PIK3C3: variants seen among roughly 807,000 people sequenced by gnomAD.
PIK3C3 encodes phosphatidylinositol 3-kinase catalytic subunit type 3.
Under a neutral mutation model 126.1 loss-of-function variants are expected in PIK3C3, and 95 were observed. That is an observed-to-expected ratio of 0.75 (90% confidence interval 0.64 to 0.89). The LOEUF (loss-of-function observed/expected upper bound fraction) is 0.89, where lower values mean the gene tolerates loss of function less well. Ranked by LOEUF, PIK3C3 falls within the 40% of genes least tolerant of loss-of-function variation. The pLI, the probability that PIK3C3 is intolerant of heterozygous loss-of-function variation, is 0.00. For synonymous variants in PIK3C3, 374 were observed against 360.0 expected, an observed-to-expected ratio of 1.04 and a Z score of -0.44; for missense variants, 829 against 1,063.2, an observed-to-expected ratio of 0.78 and a Z score of 3.06.
intron 4 of PIK3C3, chr18:41,970,831 A>T: frequency 3.0e-6 from 1 of 336,076 alleles, no homozygotes; most frequent in Non-Finnish European, 5.5e-6. Context: ...ATATAAATGG[A>T]ATCATTCAGT....
At chr18:42,081,057 C>A in intron 24 of PIK3C3, 66 bp from the exon 25 acceptor site, 3 of 930,908 alleles carry the variant, frequency 3.2e-6, no homozygotes, top group East Asian at 2.7e-5. Context: ...AAACTATAGA[C>A]TATTGTTTAT....
At chr18:42,046,888 A>G (rs898144086) in intron 20 of PIK3C3, among the ~76,000 whole-genome samples, 20 of 152,142 alleles carry the variant, frequency 1.3e-4, no homozygotes, top group African/African-American at 3.9e-4. Flanking sequence ...ACTTGACTAA[A>G]CATGTTTATC....
intron 24 of PIK3C3, among the ~76,000 whole-genome samples, chr18:42,080,016 T>A (rs1598966817): frequency 1.3e-5 from 2 of 151,722 alleles, no homozygotes; most frequent in East Asian, 3.9e-4. Context: ...TGTGTGTGTG[T>A]GTGTGTGTGT....
intron 12 of PIK3C3, among the ~76,000 whole-genome samples, chr18:42,020,279 A>G (rs1423064460): frequency 6.6e-6 from 1 of 152,046 alleles, no homozygotes; most frequent in African/African-American, 2.4e-5. Flanking sequence ...GAACAAGCCA[A>G]ACTTAGAGCT....
chr18:41,996,828 T>C, intron 9 of PIK3C3, 98 bp downstream of exon 9: 2 of 683,930 alleles, frequency 2.9e-6, no homozygotes, highest in Non-Finnish European at 2.5e-6. Context: ...TTATTGTCAC[T>C]TTAAAGAAAA....
intron 9 of PIK3C3, among the ~76,000 whole-genome samples, chr18:41,997,055 C>T (rs182242842): frequency 9.2e-5 from 14 of 151,952 alleles, no homozygotes; most frequent in African/African-American, 9.7e-5. Context: ...ATTCTAATGG[C>T]GACAGTTCTC....
chr18:42,004,613 ATG>A (rs1458078574), intron 10 of PIK3C3, 72 bp downstream of exon 10: 7 of 1,202,760 alleles, frequency 5.8e-6, no homozygotes, highest in African/African-American at 4.6e-5. Flanking sequence ...CTATGTGTGT[ATG>A]TGTGTGTGAG....
intron 18 of PIK3C3, among the ~76,000 whole-genome samples, chr18:42,040,156 C>CTTTTTTTT (rs55821466): frequency 1.1e-4 from 12 of 110,520 alleles, no homozygotes; most frequent in African/African-American, 3.5e-4. Context: ...GTCCCCTTTC[C>CTTTTTTTT]TTTTTTTTTT....
At position 42,033,946 on chromosome 18, in the gene PIK3C3, A is replaced by AC. The variant is rs1983937010; in HGVS notation, c.1829dup (p.Leu611ThrfsTer3). On this transcript the variant is annotated frameshift_variant, in exon 16 of 25. Transcript: ENST00000262039. LOFTEE classifies it high-confidence loss of function. Reference sequence around the variant, plus strand: ...TAGAGGAATAATTCCGGAAACAGCTACACTGTTTAAAGTAATTGTGATGGA... The same window carrying AC: ...TAGAGGAATAATTCCGGAAACAGCTACCACTGTTTAAAGTAATTGTGATGGA... 1.9e-6 allele frequency: 3 copies of AC among 1,601,356 alleles called. No individual in the cohort carries two copies. The highest frequency in any genetic ancestry group is 1.7e-6 in the Non-Finnish European group (2 of 1,173,860).
intron 9 of PIK3C3, among the ~76,000 whole-genome samples, chr18:41,998,156 C>G (rs1982117682): frequency 6.6e-6 from 1 of 152,030 alleles, no homozygotes; most frequent in African/African-American, 2.4e-5. Flanking sequence ...TTAGGAAATT[C>G]TTTGTAAATG....
intron 19 of PIK3C3, among the ~76,000 whole-genome samples, chr18:42,040,996 AACAT>A (rs1290261880): frequency 1.6e-4 from 25 of 152,142 alleles, no homozygotes; most frequent in African/African-American, 5.8e-4. Context: ...CAGCCTGGCC[AACAT>A]GGTGAAACCT....
At chr18:42,033,357 A>G (rs1330020805) in intron 15 of PIK3C3, among the ~76,000 whole-genome samples, 1 of 152,232 alleles carries the variant, frequency 6.6e-6, no homozygotes, top group Non-Finnish European at 1.5e-5. Context: ...GTAGGGTTAT[A>G]GTTTCTCCAA....
At chr18:42,071,438 A>T (rs1985767850) in intron 24 of PIK3C3, among the ~76,000 whole-genome samples, 1 of 152,144 alleles carries the variant, frequency 6.6e-6, no homozygotes, top group Non-Finnish European at 1.5e-5. Context: ...AGTTGTTTTC[A>T]GCCTGGCTCA....
intron 4 of PIK3C3, 62 bp downstream of exon 4, chr18:41,970,518 C>G: frequency 7.1e-7 from 1 of 1,404,986 alleles, no homozygotes; most frequent in Non-Finnish European, 1.0e-6. Context: ...AGTATATATA[C>G]CTTGACATTA....
At chr18:42,045,199 T>C (rs1984507468) in intron 20 of PIK3C3, among the ~76,000 whole-genome samples, 1 of 152,246 alleles carries the variant, frequency 6.6e-6, no homozygotes, top group East Asian at 1.9e-4. Flanking sequence ...ATATTACATG[T>C]AACTGAATTT....
At chr18:42,041,527 TATAAC>T (rs1984320157) in intron 19 of PIK3C3, among the ~76,000 whole-genome samples, 1 of 151,022 alleles carries the variant, frequency 6.6e-6, no homozygotes, top group African/African-American at 2.4e-5. Context: ...GATTAGTTCT[TATAAC>T]ATGTTAATGG....
Position 41,987,857 on chromosome 18 carries a change from C to A in PIK3C3, c.577C>A (p.Leu193Met), listed in dbSNP as rs1412257253. The change falls in exon 5 of 25, where the codon CTG (leucine) becomes ATG (methionine). Residue 193 changes from leucine to methionine, a missense_variant. Leu to Met is a conservative substitution (Grantham distance 15, BLOSUM62 2). Transcript: ENST00000262039. The stretch of plus-strand genomic sequence containing the variant: ...AGGACACATGGTGAAAGTAGATTGG[C>A]TGGATAGATTGACATTTAGAGAAAT... ...RQGHMVKVDWLDRLTFREIEM... is the reference protein window; with the variant it reads ...RQGHMVKVDWMDRLTFREIEM... The A allele has an allele frequency of 6.2e-7, 1 of 1,604,890 alleles. No individual in the cohort carries two copies.
At chr18:41,958,053 A>C (rs1371455152) in intron 2 of PIK3C3, among the ~76,000 whole-genome samples, 1 of 152,218 alleles carries the variant, frequency 6.6e-6, no homozygotes, top group African/African-American at 2.4e-5. Flanking sequence ...AAAATTCTTT[A>C]CCATCCTGTG....
rs148401641 is a variant in PIK3C3 at position 42,081,357 on chromosome 18, T to G, written c.*220T>G. 1 of 412,082 alleles carries G rather than the reference T, an allele frequency of 2.4e-6. No homozygotes were observed. The highest frequency in any genetic ancestry group is 2.0e-5 in the African/African-American group (1 of 48,878). 25.5% of individuals were successfully genotyped at this position (412,082 alleles called of 1,614,324 possible). The stretch of plus-strand genomic sequence containing the variant: ...GCTTGTTTTGAAATATTGTATATAT[T>G]TTTTCAAATGTATACATTGTTAATA... On this transcript the variant is annotated 3_prime_UTR_variant, in exon 25 of 25. Coordinates refer to ENST00000262039, the MANE Select transcript of PIK3C3 (RefSeq NM_002647.4).
Sources: gnomAD v4.1 joint callset for allele counts (sites outside exome capture counted in the v4.1 genomes callset) on GRCh38, gnomAD v4.1.1 for gene constraint, MANE v1.5 for transcripts, NCBI Gene and HGNC (gene_info 2026-07-23, HGNC 2026-07-21) for gene names.